TMEM260: variants seen among roughly 807,000 people sequenced by gnomAD.
The protein encoded by TMEM260 is transmembrane protein 260.
Under a neutral mutation model 88.9 loss-of-function variants are expected in TMEM260, and 82 were observed. The observed-to-expected ratio is 0.92, with a 90% confidence interval of 0.77 to 1.11. TMEM260 has a LOEUF of 1.11. Ranked by LOEUF, TMEM260 falls within the 50% of genes least tolerant of loss-of-function variation. The pLI, the probability that TMEM260 is intolerant of heterozygous loss-of-function variation, is 0.00. For missense variants in TMEM260, 902 were observed against 853.4 expected, an observed-to-expected ratio of 1.06 and a Z score of -0.71; for synonymous variants, 314 against 309.3, an observed-to-expected ratio of 1.02 and a Z score of -0.16.
Position 56,585,783 on chromosome 14 carries a change from C to G in TMEM260, c.215C>G (p.Pro72Arg), listed in dbSNP as rs1016650061. ...ELGVAHPPGY[P>R]LFTLVAKLAI... ...TAGGTTGCCCATCCTCCTGGCTATC[C>G]TTTGTTCACGCTGGTGGCTAAACTG... Residue 72 changes from proline to arginine, a missense_variant, in exon 3 of 16, where the codon CCT becomes CGT. Coordinates refer to ENST00000261556, the MANE Select transcript of TMEM260 (RefSeq NM_017799.4). 1.2e-6 allele frequency: 2 copies of G among 1,612,784 alleles called. No homozygotes were observed. The highest frequency in any genetic ancestry group is 1.7e-6 in the Non-Finnish European group (2 of 1,179,442).
At chr14:56,611,258 A>G (rs540457506) in intron 6 of TMEM260, among the ~76,000 whole-genome samples, 28 of 151,966 alleles carry the variant, frequency 1.8e-4, no homozygotes, top group Admixed American at 8.5e-4. Context: ...GAGCCACCGC[A>G]CCCAGCCTGC....
At chr14:56,634,828 G>C (rs1888904476) in intron 13 of TMEM260, 71 bp from the exon 14 acceptor site, 1 of 1,422,348 alleles carries the variant, frequency 7.0e-7, no homozygotes, top group Non-Finnish European at 9.9e-7. Context: ...GGCAGCAAGA[G>C]CAAAATTCTG....
the TMEM260 span, among the ~76,000 whole-genome samples, chr14:56,659,261 G>GTT: frequency 8.9e-3 from 1,251 of 140,362 alleles, 11 homozygotes; most frequent in African/African-American, 0.026. Flanking sequence ...TTTGGTTTTT[G>GTT]TTTTTTTTTT....
downstream of TMEM260, among the ~76,000 whole-genome samples, chr14:56,653,309 A>G (rs904605241): frequency 1.3e-5 from 2 of 152,208 alleles, no homozygotes; most frequent in African/African-American, 4.8e-5. Flanking sequence ...GCACATATGC[A>G]TGTGTGTATA....
At chr14:56,615,698 T>C (rs925287597) in intron 7 of TMEM260, 1 of 429,468 alleles carries the variant, frequency 2.3e-6, no homozygotes, top group Admixed American at 3.7e-5. Context: ...AGAAGAATTA[T>C]TTGTTCTGAT....
chr14:56,587,235 A>G (rs1206168394), intron 3 of TMEM260, among the ~76,000 whole-genome samples: 1 of 151,956 alleles, frequency 6.6e-6, no homozygotes, highest in Non-Finnish European at 1.5e-5. Context: ...AGACTAATAT[A>G]TTCATTTTGA....
At chr14:56,654,814 CAAAAAAAAA>C (rs750160414), downstream of TMEM260, among the ~76,000 whole-genome samples, 716 of 51,842 alleles carry the variant, frequency 0.014, 5 homozygotes, top group South Asian at 0.052. Context: ...AACTCCATCT[CAAAAAAAAA>C]AAAAAAAAAA....
At chr14:56,659,435 C>T in the TMEM260 span, among the ~76,000 whole-genome samples, 1 of 152,138 alleles carries the variant, frequency 6.6e-6, no homozygotes, top group Non-Finnish European at 1.5e-5. Flanking sequence ...CCAAAGGCCA[C>T]AGGCCTGCCA....
chr14:56,587,476 A>T (rs1236994799), intron 3 of TMEM260, among the ~76,000 whole-genome samples: 1 of 152,000 alleles, frequency 6.6e-6, no homozygotes. Flanking sequence ...TTCTTTAAAA[A>T]TAGCTTTTAT....
intron 3 of TMEM260, among the ~76,000 whole-genome samples, chr14:56,598,484 C>T (rs1416842743): frequency 6.6e-6 from 1 of 152,150 alleles, no homozygotes; most frequent in Non-Finnish European, 1.5e-5. Flanking sequence ...CTGAGCCTAG[C>T]CCTCACCCTG....
At chr14:56,627,516 T>G (rs1005208053) in intron 12 of TMEM260, among the ~76,000 whole-genome samples, 2 of 152,156 alleles carry the variant, frequency 1.3e-5, no homozygotes, top group Admixed American at 6.5e-5. Context: ...TATAATAAAA[T>G]TATACCTACA....
the TMEM260 span, among the ~76,000 whole-genome samples, chr14:56,660,370 A>C: frequency 6.6e-6 from 1 of 152,228 alleles, no homozygotes; most frequent in African/African-American, 2.4e-5. Flanking sequence ...GCAATGTTAA[A>C]TTGCTGGATT....
At chr14:56,656,503 G>A in the TMEM260 span, among the ~76,000 whole-genome samples, 1 of 152,242 alleles carries the variant, frequency 6.6e-6, no homozygotes, top group South Asian at 2.1e-4. Context: ...ACCTCATGGT[G>A]CAGCTATAAA....
At chr14:56,594,647 C>G (rs1354905752) in intron 3 of TMEM260, among the ~76,000 whole-genome samples, 2 of 152,154 alleles carry the variant, frequency 1.3e-5, no homozygotes, top group African/African-American at 2.4e-5. Context: ...TACAGTTCAT[C>G]TGCACTTTAG....
rs1890023775 is a variant in TMEM260 at position 56,647,250 on chromosome 14, A to G, written c.1877A>G (p.Lys626Arg). 6.2e-7 allele frequency: 1 copy of G among 1,611,540 alleles called. No individual in the cohort carries two copies. The highest frequency in any genetic ancestry group is 1.7e-4 in the Middle Eastern group (1 of 6,052). Residue 626 changes from lysine (K) to arginine (R), a missense_variant, in exon 16 of 16, where the codon AAG becomes AGG. Coordinates refer to ENST00000261556, the MANE Select transcript of TMEM260 (RefSeq NM_017799.4). ...ATTTCTGCTGTTTTCTAGCTTTATA[A>G]GGAGATTGTCTATTTACAAAAGGAG... Reference protein sequence around the residue: ...QLYAQAYDLYKEIVYLQKEHP... With the variant: ...QLYAQAYDLYREIVYLQKEHP...
intron 3 of TMEM260, among the ~76,000 whole-genome samples, chr14:56,593,843 G>A (rs891259236): frequency 6.6e-5 from 10 of 150,472 alleles, no homozygotes; most frequent in African/African-American, 4.9e-5. Flanking sequence ...GCCCGCCACC[G>A]CGCCCGGCTA....
At chr14:56,661,585 G>A in the TMEM260 span, among the ~76,000 whole-genome samples, 2 of 150,654 alleles carry the variant, frequency 1.3e-5, no homozygotes, top group Non-Finnish European at 3.0e-5. Flanking sequence ...GGAAGGGAGG[G>A]AAGGAAGGAA....
At chr14:56,624,607 C>T (rs1274835161) in intron 11 of TMEM260, among the ~76,000 whole-genome samples, 4 of 152,040 alleles carry the variant, frequency 2.6e-5, no homozygotes, top group African/African-American at 4.8e-5. Flanking sequence ...CTATGCCAGG[C>T]AGTGTGCTAG....
At chr14:56,653,975 A>G (rs965806869), downstream of TMEM260, among the ~76,000 whole-genome samples, 13 of 152,254 alleles carry the variant, frequency 8.5e-5, no homozygotes, top group African/African-American at 2.9e-4. Flanking sequence ...GCTATATTCC[A>G]CCATCACCTC....
Sources: allele counts gnomAD v4.1 joint callset (sites outside exome capture counted in the v4.1 genomes callset), GRCh38; gene constraint gnomAD v4.1.1; transcripts MANE v1.5; gene names NCBI Gene and HGNC (gene_info 2026-07-23, HGNC 2026-07-21).